The following ARMC2 variants were observed in gnomAD, a reference collection of about 807,000 sequenced individuals.
The protein encoded by ARMC2 is armadillo repeat containing 2, also known as armadillo repeat-containing protein 2.
Under a neutral mutation model 90.3 loss-of-function variants are expected in ARMC2, and 67 were observed. The observed-to-expected ratio is 0.74, with a 90% CI of 0.61 to 0.91. The LOEUF (loss-of-function observed/expected upper bound fraction) is 0.91. Ranked by LOEUF, ARMC2 falls within the 40% of genes least tolerant of loss-of-function variation. The pLI, the probability that ARMC2 is intolerant of heterozygous loss-of-function variation, is 0.00. For synonymous variants in ARMC2, 393 were observed against 393.0 expected (o/e 1.00, Z 0.00); for missense variants, 920 against 1,030.9 (o/e 0.89, Z 1.47).
At chr6:109,051,831 C>T in the ARMC2 span, among the ~76,000 whole-genome samples, 6 of 152,204 alleles carry the variant, frequency 3.9e-5, no homozygotes, top group African/African-American at 2.4e-5. Flanking sequence ...TATCTCCTTA[C>T]ATGACAGAAG....
chr6:108,876,218 C>G lies in ARMC2; in HGVS notation c.539C>G (p.Thr180Arg), dbSNP rs780286091. 6.2e-7 allele frequency: 1 copy of G among 1,612,444 alleles called. No homozygotes were observed. Among genetic ancestry groups the G allele is most frequent in the Non-Finnish European group, 8.5e-7 (1 of 1,179,326 alleles). The change falls in exon 5 of 18, where the codon ACA becomes AGA. Residue 180 changes from threonine to arginine, a missense_variant. Thr to Arg is a moderately conservative substitution (Grantham distance 71). Coordinates refer to ENST00000392644, the MANE Select transcript of ARMC2 (RefSeq NM_032131.6). ...GTGAAAATAAATGGGATTTATTTAA[C>G]AAAATCAAATGCTATTTGCCACTTA... ...SMVKINGIYL[T>R]KSNAICHLKS...
intron 5 of ARMC2, among the ~76,000 whole-genome samples, chr6:108,889,654 G>T (rs1047058494): frequency 5.3e-5 from 8 of 151,508 alleles, no homozygotes; most frequent in Admixed American, 5.3e-4. Context: ...TGCCCAGGCT[G>T]GTCTTGAACT....
chr6:108,970,420 G>A (rs189233990), intron 17 of ARMC2, among the ~76,000 whole-genome samples: 11 of 151,592 alleles, frequency 7.3e-5, no homozygotes, highest in Admixed American at 7.2e-4. Context: ...CTGCTCAGCC[G>A]CCAGCAGCTT....
chr6:108,876,486 G>A lies in ARMC2; in HGVS notation c.671+136G>A, dbSNP rs570277768. 2.5e-4 allele frequency: 205 copies of A among 806,666 alleles called. 1 individual carries two copies. The South Asian group carries it at 3.3e-3, about 13-fold the overall frequency. 50.0% of individuals were successfully genotyped at this position (806,666 alleles called of 1,614,324 possible). A position where few individuals can be genotyped will look rare whatever the true frequency, so the allele number is the denominator to read the frequency against. On this transcript the variant is annotated intron_variant, in intron 5 of 17. Transcript: ENST00000392644. Reference sequence around the variant, plus strand: ...ATTTTATGTTAAGGGTACATGAATAGGAGAGACTACTTCTCATGGCCAAAT... The same window carrying A: ...ATTTTATGTTAAGGGTACATGAATAAGAGAGACTACTTCTCATGGCCAAAT...
At chr6:108,871,380 C>G (rs72933303) in intron 4 of ARMC2, among the ~76,000 whole-genome samples, 1 of 152,152 alleles carries the variant, frequency 6.6e-6, no homozygotes, top group East Asian at 1.9e-4. Flanking sequence ...GCTTTTCAAA[C>G]GCTCCCCCCG....
chr6:109,006,422 A>G, the ARMC2 span, among the ~76,000 whole-genome samples: 3 of 150,992 alleles, frequency 2.0e-5, no homozygotes, highest in South Asian at 2.1e-4. Context: ...TACATTAGGT[A>G]TATCTCCTAA....
chr6:108,957,206 T>C (rs952941690), intron 13 of ARMC2, among the ~76,000 whole-genome samples: 3 of 152,194 alleles, frequency 2.0e-5, no homozygotes, highest in African/African-American at 7.2e-5. Flanking sequence ...AAAGACTTTA[T>C]CTCCAAATAA....
At chr6:108,872,101 A>T (rs1325253466) in intron 4 of ARMC2, among the ~76,000 whole-genome samples, 1 of 152,118 alleles carries the variant, frequency 6.6e-6, no homozygotes, top group African/African-American at 2.4e-5. Context: ...TTTGTGGAGT[A>T]ACTGAGGCTG....
intron 5 of ARMC2, among the ~76,000 whole-genome samples, chr6:108,876,736 A>T (rs1274095578): frequency 6.6e-6 from 1 of 152,218 alleles, no homozygotes; most frequent in African/African-American, 2.4e-5. Context: ...CCTTAACTCC[A>T]CAAGAGTGGA....
At chr6:108,928,901 A>G (rs1231260657) in intron 11 of ARMC2, among the ~76,000 whole-genome samples, 1 of 152,226 alleles carries the variant, frequency 6.6e-6, no homozygotes, top group Non-Finnish European at 1.5e-5. Flanking sequence ...TTGTAAAGAA[A>G]TGCAAAATTT....
chr6:108,902,438 GC>G (rs1772244038), intron 7 of ARMC2, among the ~76,000 whole-genome samples: 1 of 152,178 alleles, frequency 6.6e-6, no homozygotes, highest in African/African-American at 2.4e-5. Context: ...CCAATGAGTG[GC>G]CCAGAGCCTG....
the ARMC2 span, chr6:108,988,684 A>C: frequency 1.2e-5 from 20 of 1,600,682 alleles, no homozygotes; most frequent in Non-Finnish European, 1.6e-5. Context: ...CATAATCATC[A>C]TATCTGTTGA....
At chr6:109,034,705 A>G in the ARMC2 span, among the ~76,000 whole-genome samples, 1 of 152,232 alleles carries the variant, frequency 6.6e-6, no homozygotes, top group Non-Finnish European at 1.5e-5. Context: ...GAATGTCACT[A>G]AAGTGAGAAA....
chr6:108,975,854 T>A (rs1244251131), downstream of ARMC2, among the ~76,000 whole-genome samples: 1 of 152,180 alleles, frequency 6.6e-6, no homozygotes, highest in Non-Finnish European at 1.5e-5. Context: ...GGGTTGTTTG[T>A]TTTTTCTTAT....
the ARMC2 span, among the ~76,000 whole-genome samples, chr6:109,043,134 T>G: frequency 2.0e-5 from 3 of 152,122 alleles, no homozygotes; most frequent in African/African-American, 7.2e-5. Flanking sequence ...TTGAGTAAAT[T>G]TAACACTCAT....
At position 108,891,278 on chromosome 6, in the gene ARMC2, C is replaced by T. The variant is rs528996522; in HGVS notation, c.672-3189C>T. 4.4e-3 allele frequency among the ~76,000 whole-genome samples: 676 copies of T among 152,192 alleles called. 2 individuals are homozygous for T. The highest frequency in any genetic ancestry group is 0.016 in the African/African-American group (650 of 41,500). ...TTGGGTATATACCCAGTAATGGGAT[C>T]GCTGGGTCAAATGGTATTTCTGGTT... On this transcript the variant is annotated intron_variant, in intron 5 of 17. Transcript: ENST00000392644.
chr6:108,940,552 C>T (rs1011429800), intron 12 of ARMC2, among the ~76,000 whole-genome samples: 3 of 152,174 alleles, frequency 2.0e-5, no homozygotes, highest in African/African-American at 7.2e-5. Context: ...TGGCCAGCAC[C>T]ATGTTACCTG....
chr6:108,907,615 G>C, intron 8 of ARMC2: 1 of 1,572,042 alleles, frequency 6.4e-7, no homozygotes. Context: ...CTCTTCAGTG[G>C]TATTTGCGGA....
the ARMC2 span, chr6:109,009,209 G>C: frequency 6.1e-6 from 5 of 823,418 alleles, no homozygotes; most frequent in South Asian, 7.2e-5. Flanking sequence ...GCTGCTCCCC[G>C]GGAGCCCGCC....
Sources: gnomAD v4.1 joint callset for allele counts (sites outside exome capture counted in the v4.1 genomes callset) on GRCh38, gnomAD v4.1.1 for gene constraint, MANE v1.5 for transcripts, NCBI Gene and HGNC (gene_info 2026-07-23, HGNC 2026-07-21) for gene names.